Variants in DTNA observed in about 807,000 individuals in gnomAD.
The protein encoded by DTNA is dystrophin-related protein 3.
Under a neutral mutation model 100.7 loss-of-function variants are expected in DTNA, and 43 were observed. The ratio of observed to expected loss-of-function variants is 0.43; its 90% CI spans 0.33 to 0.55. The LOEUF (loss-of-function observed/expected upper bound fraction) is 0.55, where lower values mean the gene tolerates loss of function less well. Ranked by LOEUF, DTNA falls within the 20% of genes least tolerant of loss-of-function variation. The pLI is 0.04. For missense variants in DTNA, 798 were observed against 953.9 expected, an observed-to-expected ratio of 0.84 and a Z score of 2.15; for synonymous variants, 349 against 347.9, an observed-to-expected ratio of 1.00 and a Z score of -0.04.
intron 1 of DTNA, among the ~76,000 whole-genome samples, chr18:34,751,008 T>C (rs2092265932): frequency 6.6e-6 from 1 of 152,230 alleles, no homozygotes; most frequent in Admixed American, 6.5e-5. Flanking sequence ...ATTTTATCCT[T>C]CCCCATACAT....
At chr18:34,522,232 C>G (rs9960996) in intron 1 of DTNA, among the ~76,000 whole-genome samples, 2,173 of 152,198 alleles carry the variant, frequency 0.014, 54 homozygotes, top group African/African-American at 0.05. Context: ...TCACTGTTAT[C>G]CCTTTATTAT....
intron 1 of DTNA, among the ~76,000 whole-genome samples, chr18:34,496,969 C>A (rs2039310337): frequency 6.6e-6 from 1 of 152,168 alleles, no homozygotes; most frequent in Non-Finnish European, 1.5e-5. Flanking sequence ...ACCTCATTAT[C>A]CATCCATGGA....
intron 2 of DTNA, among the ~76,000 whole-genome samples, chr18:34,764,853 T>C (rs1235449187): frequency 2.0e-5 from 3 of 152,232 alleles, no homozygotes; most frequent in African/African-American, 7.2e-5. Flanking sequence ...CCTTTATATC[T>C]GTTATGGACC....
At chr18:34,598,474 G>A (rs2051096862) in intron 1 of DTNA, among the ~76,000 whole-genome samples, 1 of 152,064 alleles carries the variant, frequency 6.6e-6, no homozygotes. Flanking sequence ...GAAAACACTG[G>A]GTTGTTTTCA....
At chr18:34,547,465 C>T (rs1317793230) in intron 1 of DTNA, among the ~76,000 whole-genome samples, 4 of 152,054 alleles carry the variant, frequency 2.6e-5, no homozygotes, top group Admixed American at 6.6e-5. Flanking sequence ...CACTGTGAGA[C>T]GTCTTGGGAG....
chr18:34,801,177 T>G (rs546498700), intron 4 of DTNA, among the ~76,000 whole-genome samples: 2 of 152,298 alleles, frequency 1.3e-5, no homozygotes, highest in African/African-American at 4.8e-5. Flanking sequence ...GATAAAAGAT[T>G]TCAAGAAACA....
chr18:34,819,465 C>G (rs545350521), intron 8 of DTNA, among the ~76,000 whole-genome samples: 14 of 152,306 alleles, frequency 9.2e-5, no homozygotes, highest in African/African-American at 3.4e-4. Flanking sequence ...GGATCATGAA[C>G]TACAACTTAG....
intron 1 of DTNA, among the ~76,000 whole-genome samples, chr18:34,630,047 A>T (rs1353034368): frequency 6.6e-6 from 1 of 152,134 alleles, no homozygotes; most frequent in Admixed American, 6.6e-5. Context: ...CCATCACTTG[A>T]TGAATATCTC....
At chr18:34,690,953 C>T (rs188410514) in intron 1 of DTNA, among the ~76,000 whole-genome samples, 68 of 152,212 alleles carry the variant, frequency 4.5e-4, no homozygotes, top group African/African-American at 1.4e-3. Flanking sequence ...TTAGGAAACT[C>T]GGGTTCACAG....
chr18:34,584,160 C>T (rs1567953161), intron 1 of DTNA, among the ~76,000 whole-genome samples: 1 of 152,124 alleles, frequency 6.6e-6, no homozygotes, highest in Non-Finnish European at 1.5e-5. Context: ...AGAAATCTTG[C>T]TAATCTTGAG....
intron 1 of DTNA, among the ~76,000 whole-genome samples, chr18:34,582,865 C>A (rs1411925274): frequency 6.6e-6 from 1 of 152,132 alleles, no homozygotes; most frequent in Non-Finnish European, 1.5e-5. Flanking sequence ...CCTCAAATAA[C>A]AAAATATACA....
intron 1 of DTNA, among the ~76,000 whole-genome samples, chr18:34,547,535 A>G (rs1426703630): frequency 1.3e-5 from 2 of 152,132 alleles, no homozygotes; most frequent in South Asian, 2.1e-4. Context: ...GCCTAACTCA[A>G]TGAAAATTAC....
At chr18:34,595,117 T>C (rs1215786094) in intron 1 of DTNA, among the ~76,000 whole-genome samples, 1 of 152,250 alleles carries the variant, frequency 6.6e-6, no homozygotes, top group Non-Finnish European at 1.5e-5. Flanking sequence ...GTAAATTTTC[T>C]GTGGTCATAC....
At chr18:34,707,637 C>G (rs113326247), upstream of DTNA, among the ~76,000 whole-genome samples, 794 of 152,158 alleles carry the variant, frequency 5.2e-3, 5 homozygotes, top group Non-Finnish European at 7.7e-3. Context: ...GCCACATAAC[C>G]AATCTCCAGG....
At chr18:34,866,490 C>T in intron 17 of DTNA, 2 of 1,188,652 alleles carry the variant, frequency 1.7e-6, no homozygotes, top group Non-Finnish European at 2.1e-6. Flanking sequence ...ACCACAGTCA[C>T]TAGAGATACC....
chr18:34,781,944 T>C (rs967414117), intron 3 of DTNA, among the ~76,000 whole-genome samples: 1 of 152,238 alleles, frequency 6.6e-6, no homozygotes, highest in Non-Finnish European at 1.5e-5. Context: ...CAGTTCCTCA[T>C]GGCTGCCAGC....
At chr18:34,882,281 A>G (rs2096880392) in intron 21 of DTNA, 80 bp downstream of exon 21, 2 of 1,566,562 alleles carry the variant, frequency 1.3e-6, no homozygotes, top group Non-Finnish European at 1.7e-6. Context: ...TGACTTGCAG[A>G]ATCAGAGCCT....
In DTNA at chr18:34,676,637, C is replaced by T. The variant is rs138664773; in HGVS notation, c.-1-79339C>T. The stretch of plus-strand genomic sequence containing the variant: ...ATTGTTTGAGCTCAGATGTTCGAGA[C>T]CAGCCTGGGCAACATAGCAAAATCT... On this transcript the variant is annotated intron_variant, in intron 1 of 19. Transcript: ENST00000283365. 8.2e-3 allele frequency among the ~76,000 whole-genome samples: 1,246 copies of T among 152,146 alleles called. 11 individuals are homozygous for T. Among genetic ancestry groups the T allele is most frequent in the African/African-American group, 0.028 (1,168 of 41,502 alleles).
Position 34,851,945 on chromosome 18 carries a change from G to T in DTNA, c.1532+17G>T. 1 of 1,612,050 alleles carries T rather than the reference G, an allele frequency of 6.2e-7. No homozygotes were observed. The highest frequency in any genetic ancestry group is 1.3e-5 in the African/African-American group (1 of 74,998). Reference sequence around the variant, plus strand: ...CAAGAACAGGTGAGACTTTGTAGACGTGCTGGCTTGTTTGATCAATGTGCG... The same window carrying T: ...CAAGAACAGGTGAGACTTTGTAGACTTGCTGGCTTGTTTGATCAATGTGCG... On this transcript the variant is annotated intron_variant, in intron 15 of 22. Coordinates refer to ENST00000444659, the MANE Select transcript of DTNA (RefSeq NM_001386795.1).
Sources: allele counts gnomAD v4.1 joint callset (sites outside exome capture counted in the v4.1 genomes callset), GRCh38; gene constraint gnomAD v4.1.1; transcripts MANE v1.5; gene names NCBI Gene and HGNC (gene_info 2026-07-23, HGNC 2026-07-21).